UPF3A: variants seen among roughly 807,000 people sequenced by gnomAD.
The protein encoded by UPF3A is UPF3A regulator of nonsense mediated mRNA decay.
UPF3A carries 42 observed loss-of-function variants against 53.5 expected under a neutral mutation model. The observed-to-expected ratio is 0.78, with a 90% confidence interval of 0.61 to 1.01. The LOEUF is 1.01. Ranked by LOEUF, UPF3A falls within the 50% of genes least tolerant of loss-of-function variation. The probability of loss-of-function intolerance (pLI) is 0.00; values close to 1 mark genes in which losing one functional copy is unlikely to be tolerated. For synonymous variants in UPF3A, 237 were observed against 225.3 expected (o/e 1.05, Z -0.47); for missense variants, 575 against 598.0 (o/e 0.96, Z 0.40).
intron 7 of UPF3A, among the ~76,000 whole-genome samples, chr13:114,296,166 C>T (rs985249198): frequency 1.9e-4 from 29 of 152,138 alleles, no homozygotes; most frequent in African/African-American, 7.0e-4. Flanking sequence ...AGGTGGATCC[C>T]GAGGTCAGGA....
At position 114,291,689 on chromosome 13, in the gene UPF3A, G is replaced by A. The variant is rs768334907; in HGVS notation, c.743G>A (p.Arg248His). The A allele has an allele frequency of 1.4e-5, 23 of 1,606,130 alleles. No individual in the cohort carries two copies. The highest frequency in any genetic ancestry group is 4.5e-5 in the East Asian group (2 of 44,842). The change falls in exon 7 of 10, where the codon CGT becomes CAT. Residue 248 changes from arginine (R) to histidine (H), a missense_variant. Coordinates refer to ENST00000375299, the MANE Select transcript of UPF3A (RefSeq NM_023011.4). ...AGGAGGAGAGAGTTAGAAAAGAAAC[G>A]TTTGCGGGAAGAGGAAAAAAGAAGA... ...ERRRRELEKK[R>H]LREEEKRRRR...
chr13:114,282,924 T>G lies in UPF3A; in HGVS notation c.402T>G (p.Tyr134Ter). 1 of 1,609,270 alleles carries G rather than the reference T, an allele frequency of 6.2e-7. No homozygotes were observed. The highest frequency in any genetic ancestry group is 8.5e-7 in the Non-Finnish European group (1 of 1,176,488). The change falls in exon 3 of 10, where the codon TAT (tyrosine) becomes TAG (stop). Residue 134 changes from tyrosine to a stop codon, truncating the protein, a stop_gained. Transcript: ENST00000375299. LOFTEE classifies it high-confidence loss of function. ...ILLFRDRFDG[Y>*]IFLDSKGLEY... ...TTTTTAGAGATCGTTTTGATGGATATATCTTCCTTGACAGCAAAGGTTGGA... is the reference window on the plus strand; with the variant it reads ...TTTTTAGAGATCGTTTTGATGGATAGATCTTCCTTGACAGCAAAGGTTGGA...
At chr13:114,294,274 G>GGC (rs928658413) in intron 7 of UPF3A, among the ~76,000 whole-genome samples, 1 of 47,496 alleles carries the variant, frequency 2.1e-5, no homozygotes, top group Non-Finnish European at 3.4e-5. Context: ...TGGTTTTGGT[G>GGC]GGGGGGGGGT....
At chr13:114,282,792 A>T in intron 2 of UPF3A, 45 bp from the exon 3 acceptor site, 2 of 1,571,132 alleles carry the variant, frequency 1.3e-6, no homozygotes, top group Non-Finnish European at 1.7e-6. Flanking sequence ...TTAATGGACT[A>T]TTGTATTTTT....
In UPF3A at chr13:114,290,918, A is replaced by G. The variant is rs369848960; in HGVS notation, c.632-571A>G. Among the ~76,000 whole-genome samples the G allele has an allele frequency of 2.6e-5, 4 of 151,744 alleles. No individual in the cohort carries two copies. In the East Asian group the frequency reaches 7.7e-4, roughly 29 times the overall value. ...CCGGCTAATTTTGTATTTTTTCAGT[A>G]GAGACGGGGTTTCCTTAGGTTGGTC... On this transcript the variant is annotated intron_variant, in intron 5 of 9. Coordinates refer to ENST00000375299, the MANE Select transcript of UPF3A (RefSeq NM_023011.4).
chr13:114,291,259 G>C (rs1296516563), intron 5 of UPF3A, among the ~76,000 whole-genome samples: 1 of 152,112 alleles, frequency 6.6e-6, no homozygotes, highest in Non-Finnish European at 1.5e-5. Context: ...AATATTTTAA[G>C]CCTCCCTTAA....
chr13:114,282,336 T>C, intron 2 of UPF3A: 2 of 959,898 alleles, frequency 2.1e-6, no homozygotes, highest in Admixed American at 7.3e-5. Context: ...ACATGAAAAA[T>C]GCGGATGATT....
chr13:114,294,198 A>G lies in UPF3A; in HGVS notation c.846+2406A>G, dbSNP rs114448895. 3.6e-3 allele frequency among the ~76,000 whole-genome samples: 544 copies of G among 152,168 alleles called. 3 individuals are homozygous for G. Among genetic ancestry groups the G allele is most frequent in the African/African-American group, 0.012 (516 of 41,520 alleles). ...AAAATGGAATCTGTGGAGAAATGCA[A>G]AAGAAGGTGTATCAACAGCTTAAAG... is the stretch of plus-strand genomic sequence containing the variant. On this transcript the variant is annotated intron_variant, in intron 7 of 9. Transcript: ENST00000375299.
intron 8 of UPF3A, among the ~76,000 whole-genome samples, chr13:114,301,024 TG>T: frequency 6.7e-6 from 1 of 148,990 alleles, no homozygotes; most frequent in East Asian, 2.0e-4. Flanking sequence ...TTGACCAGGC[TG>T]GTCTCCAACT....
Position 114,304,914 on chromosome 13 carries a change from G to T in UPF3A, c.1428G>T (p.Glu476Asp). The change falls in exon 10 of 10, where the codon GAG becomes GAT. Residue 476 changes from glutamate (E) to aspartate (D), a missense_variant. This residue lies in a region of UPF3A where 323 missense variants were observed against 415.2 expected (regional missense o/e 0.78). Coordinates refer to ENST00000375299, the MANE Select transcript of UPF3A (RefSeq NM_023011.4). ...GTGPEKREEAE is the reference protein window; with the variant it reads ...GTGPEKREEAD ...GTCCTGAGAAGAGGGAAGAGGCAGA[G>T]TGAGTCACTGCACGCACCTGGCCTC... 6 of 1,612,750 alleles carry T rather than the reference G, an allele frequency of 3.7e-6. No homozygotes were observed.
Position 114,281,707 on chromosome 13 carries a change from G to C in UPF3A, c.68G>C (p.Arg23Thr), listed in dbSNP as rs1475326023. The change falls in exon 1 of 10, where the codon AGG becomes ACG. Residue 23 changes from arginine to threonine, a missense_variant. Arg to Thr is a moderately conservative substitution (Grantham distance 71). Transcript: ENST00000375299. ...GTTGCCGCGCGGGGCCCGAGCGGGAGGGAGAAGCTGTCGGCCCTAGAAGTG... is the reference window on the plus strand; with the variant it reads ...GTTGCCGCGCGGGGCCCGAGCGGGACGGAGAAGCTGTCGGCCCTAGAAGTG... ...AAVAARGPSG[R>T]EKLSALEVQF... is the part of the protein sequence containing the mutation. The C allele has an allele frequency of 1.9e-5, 30 of 1,548,962 alleles. No individual in the cohort carries two copies. Among genetic ancestry groups the C allele is most frequent in the Non-Finnish European group, 2.5e-5 (29 of 1,147,186 alleles).
chr13:114,286,723 T>A, intron 5 of UPF3A, 94 bp downstream of exon 5: 1 of 982,702 alleles, frequency 1.0e-6, no homozygotes, highest in Non-Finnish European at 1.5e-6. Flanking sequence ...TGATAACAAG[T>A]TGAAACTTGT....
rs111532344 is a variant in UPF3A at position 114,298,944 on chromosome 13, C to T, written c.951C>T (p.Pro317=). 3.1e-5 allele frequency: 50 copies of T among 1,610,490 alleles called. No individual in the cohort carries two copies. Among genetic ancestry groups the T allele is most frequent in the South Asian group, 2.0e-4 (18 of 90,332 alleles). Residue 317 remains proline, a synonymous_variant, in exon 8 of 10, where the codon CCC becomes CCT. Transcript: ENST00000375299. ...GTGGCAAGCAGGAATCCTGTGCCCC[C>T]GGTGCAGTCGTAAAAGCCAGGCCCA... ...TGGGKQESCA[P]GAVVKARPME...
At position 114,281,799 on chromosome 13, in the gene UPF3A, G is replaced by T. The variant is rs758199252; in HGVS notation, c.160G>T (p.Gly54Cys). 5 of 1,554,478 alleles carry T rather than the reference G, an allele frequency of 3.2e-6. No individual in the cohort carries two copies. The South Asian group carries it at 4.7e-5, about 15-fold the overall frequency. ...TPPTSSSGCGGGAGKPREEKR... is the reference protein window; with the variant it reads ...TPPTSSSGCGCGAGKPREEKR... ...GCCAACTTCGTCCTCCGGTTGCGGG[G>T]GCGGTGCGGGCAAACCTCGCGAGGA... Residue 54 changes from glycine (G) to cysteine (C), a missense_variant, in exon 1 of 10, where the codon GGC becomes TGC. Coordinates refer to ENST00000375299, the MANE Select transcript of UPF3A (RefSeq NM_023011.4).
chr13:114,286,675 T>C (rs747179284), intron 5 of UPF3A, 46 bp downstream of exon 5: 9 of 1,466,286 alleles, frequency 6.1e-6, no homozygotes, highest in Non-Finnish European at 5.6e-6. Context: ...AGAGATTTAC[T>C]CGTAGAGGAT....
chr13:114,300,795 TC>T (rs1019981435), intron 8 of UPF3A, among the ~76,000 whole-genome samples: 4 of 152,090 alleles, frequency 2.6e-5, no homozygotes, highest in African/African-American at 9.7e-5. Context: ...TGCCTTGGTC[TC>T]CCAAAGTGCT....
At chr13:114,302,087 G>T in intron 9 of UPF3A, 62 bp downstream of exon 9, 1 of 1,409,984 alleles carries the variant, frequency 7.1e-7, no homozygotes, top group South Asian at 1.8e-5. Flanking sequence ...GCTGCATGCT[G>T]ACCATGTCAC....
chr13:114,295,414 G>A (rs1323807208), intron 7 of UPF3A, among the ~76,000 whole-genome samples: 2 of 147,128 alleles, frequency 1.4e-5, no homozygotes, highest in Non-Finnish European at 3.0e-5. Flanking sequence ...GTGCTCCCCA[G>A]CTCGTCTCCA....
chr13:114,283,144 T>G, intron 3 of UPF3A: 9 of 442,658 alleles, frequency 2.0e-5, no homozygotes, highest in East Asian at 4.7e-5. Context: ...GCCTCCTAGG[T>G]AGCAGGGACC....
Sources: gnomAD v4.1 joint callset for allele counts (sites outside exome capture counted in the v4.1 genomes callset) on GRCh38, gnomAD v4.1.1 for gene constraint, gnomAD v4.1.1 regional missense constraint, MANE v1.5 for transcripts, NCBI Gene and HGNC (gene_info 2026-07-23, HGNC 2026-07-21) for gene names.